Variants in NR5A2 observed in about 807,000 individuals in gnomAD.
NR5A2 encodes the protein CYP7A promoter-binding factor.
In NR5A2, 26 loss-of-function variants were observed where a neutral mutation model predicts 62.7. That is an observed-to-expected ratio of 0.41 (90% CI 0.30 to 0.58). The LOEUF is 0.58. Ranked by LOEUF, NR5A2 falls within the 20% of genes least tolerant of loss-of-function variation. The pLI, the probability that NR5A2 is intolerant of heterozygous loss-of-function variation, is 0.22. For synonymous variants in NR5A2, 246 were observed against 241.7 expected (o/e 1.02, Z -0.16); for missense variants, 541 against 669.1 (o/e 0.81, Z 2.11).
chr1:200,159,573 G>T (rs1442002080), intron 7 of NR5A2, among the ~76,000 whole-genome samples: 6 of 151,924 alleles, frequency 3.9e-5, no homozygotes, highest in African/African-American at 1.5e-4. Flanking sequence ...AAATAAACTG[G>T]TTATTTTGTA....
intron 5 of NR5A2, among the ~76,000 whole-genome samples, chr1:200,064,798 G>T (rs1353718598): frequency 1.3e-5 from 2 of 152,050 alleles, no homozygotes; most frequent in African/African-American, 4.8e-5. Flanking sequence ...AAAGGAGTTG[G>T]TATCTTTTAT....
Position 200,174,144 on chromosome 1 carries a change from G to A in NR5A2, c.1560G>A (p.Lys520=). 1 of 1,613,638 alleles carries A rather than the reference G, an allele frequency of 6.2e-7. No individual in the cohort carries two copies. The highest frequency in any genetic ancestry group is 1.1e-5 in the South Asian group (1 of 91,052). The change falls in exon 8 of 8, where the codon AAG becomes AAA. Residue 520 remains lysine (K), a synonymous_variant. Coordinates refer to ENST00000367362, the MANE Select transcript of NR5A2 (RefSeq NM_205860.3). ...AGGCTGAAGAATACCTCTACTACAA[G>A]CACCTGAACGGGGATGTGCCCTATA... ...SMQAEEYLYY[K]HLNGDVPYNN...
At chr1:200,041,766 C>T (rs531579884) in intron 2 of NR5A2, among the ~76,000 whole-genome samples, 32 of 152,332 alleles carry the variant, frequency 2.1e-4, no homozygotes, top group African/African-American at 6.3e-4. Flanking sequence ...CAGCGTCTCC[C>T]TACTCAGCCT....
At chr1:200,137,742 G>C (rs572581248) in intron 7 of NR5A2, among the ~76,000 whole-genome samples, 6 of 152,194 alleles carry the variant, frequency 3.9e-5, no homozygotes, top group African/African-American at 7.2e-5. Flanking sequence ...GTATGTTTCT[G>C]ATATAGACAG....
intron 1 of NR5A2, among the ~76,000 whole-genome samples, chr1:200,033,292 T>C (rs2102134381): frequency 6.6e-6 from 1 of 152,160 alleles, no homozygotes; most frequent in South Asian, 2.1e-4. Flanking sequence ...TCAGTGAGTA[T>C]GAGGAGGGCA....
At chr1:200,078,688 A>T (rs1168780476) in intron 5 of NR5A2, among the ~76,000 whole-genome samples, 4 of 152,054 alleles carry the variant, frequency 2.6e-5, no homozygotes, top group Non-Finnish European at 5.9e-5. Flanking sequence ...AATGTCTTGG[A>T]CTTCTTTAAA....
chr1:200,135,336 C>T (rs913479839), intron 7 of NR5A2, among the ~76,000 whole-genome samples: 1 of 152,010 alleles, frequency 6.6e-6, no homozygotes, highest in Non-Finnish European at 1.5e-5. Context: ...GCCTAGCCAA[C>T]ATGGTGAAAC....
chr1:200,087,017 A>T (rs1299658791), intron 5 of NR5A2, among the ~76,000 whole-genome samples: 1 of 152,124 alleles, frequency 6.6e-6, no homozygotes, highest in African/African-American at 2.4e-5. Context: ...CCAGCCTGGG[A>T]TATAGAATGA....
intron 7 of NR5A2, among the ~76,000 whole-genome samples, chr1:200,148,798 T>C (rs2001883): frequency 0.042 from 6,431 of 151,960 alleles, 364 homozygotes; most frequent in East Asian, 0.28. Context: ...TCCAGACAAA[T>C]GGAAACGTGA....
intron 7 of NR5A2, among the ~76,000 whole-genome samples, chr1:200,144,219 T>TCA (rs1352599292): frequency 7.3e-4 from 7 of 9,540 alleles, no homozygotes; most frequent in Admixed American, 1.9e-3. Context: ...ACTGTTTCTC[T>TCA]CTCTCTCTCT....
chr1:200,038,565 T>C, intron 1 of NR5A2: 1 of 515,064 alleles, frequency 1.9e-6, no homozygotes, highest in South Asian at 1.5e-5. Context: ...CAACTCTGCA[T>C]GTAAGAACGG....
At chr1:200,061,280 T>C (rs1663206015) in intron 5 of NR5A2, among the ~76,000 whole-genome samples, 1 of 149,110 alleles carries the variant, frequency 6.7e-6, no homozygotes, top group Admixed American at 6.6e-5. Context: ...ATTAACTTTT[T>C]TTTTTTTTTT....
At chr1:200,169,584 G>A (rs1654077193) in intron 7 of NR5A2, among the ~76,000 whole-genome samples, 1 of 152,132 alleles carries the variant, frequency 6.6e-6, no homozygotes, top group Non-Finnish European at 1.5e-5. Context: ...TTTCCAATAA[G>A]GATGGAAAAA....
At chr1:200,136,194 A>G (rs952759054) in intron 7 of NR5A2, among the ~76,000 whole-genome samples, 4 of 151,944 alleles carry the variant, frequency 2.6e-5, no homozygotes, top group Non-Finnish European at 4.4e-5. Flanking sequence ...GGGAATGCCT[A>G]TGCTAGGAAG....
chr1:200,048,569 T>C lies in NR5A2; in HGVS notation c.861T>C (p.Tyr287=), dbSNP rs767729564. 1.2e-6 allele frequency: 2 copies of C among 1,614,048 alleles called. No individual in the cohort carries two copies. The highest frequency in any genetic ancestry group is 1.7e-6 in the Non-Finnish European group (2 of 1,180,038). Residue 287 remains tyrosine, a synonymous_variant, in exon 5 of 8, where the codon TAT becomes TAC. Coordinates refer to ENST00000367362, the MANE Select transcript of NR5A2 (RefSeq NM_205860.3). This position sits in a 1 kb window ranked among gnomAD's most constrained non-coding sequence, Gnocchi z 4.8. ...YTSSPESIMG[Y]SYMDSYQTSS... ...GCTCACCCGAGTCCATAATGGGCTA[T>C]TCATATATGGATAGTTACCAGACGA...
intron 5 of NR5A2, among the ~76,000 whole-genome samples, chr1:200,108,923 G>C (rs1359300791): frequency 6.6e-6 from 1 of 152,134 alleles, no homozygotes; most frequent in Admixed American, 6.5e-5. Context: ...GGAACATTTG[G>C]GCAGATCTGC....
intron 5 of NR5A2, among the ~76,000 whole-genome samples, chr1:200,050,169 C>G (rs1662561482): frequency 6.6e-6 from 1 of 152,210 alleles, no homozygotes; most frequent in East Asian, 1.9e-4. Context: ...TTTGTAACCA[C>G]TCTATGATAA....
At chr1:200,148,901 C>A (rs184647237) in intron 7 of NR5A2, among the ~76,000 whole-genome samples, 440 of 141,796 alleles carry the variant, frequency 3.1e-3, no homozygotes, top group Middle Eastern at 0.029. Flanking sequence ...CTTTGGCATG[C>A]GGTACTTTTT....
chr1:200,048,040 G>A lies in NR5A2; in HGVS notation c.464-132G>A, dbSNP rs549565209. On this transcript the variant is annotated intron_variant, in intron 4 of 7. Transcript: ENST00000367362. This position sits in a 1 kb window ranked among gnomAD's most constrained non-coding sequence, Gnocchi z 4.8. ...ACATGGTTTTTTGGGAAATCTTTGTGGGCTATTGTAACGAAAACAACCACA... is the reference window on the plus strand; with the variant it reads ...ACATGGTTTTTTGGGAAATCTTTGTAGGCTATTGTAACGAAAACAACCACA... 54 of 771,702 alleles carry A rather than the reference G, an allele frequency of 7.0e-5. No homozygotes were observed. The African/African-American group carries it at 8.9e-4, about 13-fold the overall frequency. 47.8% of individuals were successfully genotyped at this position (771,702 alleles called of 1,614,324 possible). A position where few individuals can be genotyped will look rare whatever the true frequency, so the allele number is the denominator to read the frequency against.
Sources: gnomAD v4.1 joint callset for allele counts (sites outside exome capture counted in the v4.1 genomes callset) on GRCh38, gnomAD v4.1.1 for gene constraint, Gnocchi (gnomAD v3.1) non-coding constraint, MANE v1.5 for transcripts, NCBI Gene and HGNC (gene_info 2026-07-23, HGNC 2026-07-21) for gene names.